Variants in NRXN3 observed in about 807,000 individuals in gnomAD.
NRXN3 encodes neurexin III.
In NRXN3, 32 loss-of-function variants were observed where a neutral mutation model predicts 137.6. That is an observed-to-expected ratio of 0.23 (90% CI 0.18 to 0.31). The LOEUF is 0.31. NRXN3 is among the 10% of genes least tolerant of loss of function. The probability of loss-of-function intolerance (pLI) is 1.00; values close to 1 mark genes in which losing one functional copy is unlikely to be tolerated. For missense variants in NRXN3, 1,574 were observed against 2,062.5 expected (o/e 0.76, Z 4.59); for synonymous variants, 798 against 784.5 (o/e 1.02, Z -0.29).
intron 4 of NRXN3, among the ~76,000 whole-genome samples, chr14:78,343,004 C>T (rs1228987285): frequency 6.6e-6 from 1 of 152,128 alleles, no homozygotes; most frequent in African/African-American, 2.4e-5. Flanking sequence ...TTCAGTCGTT[C>T]TCAAAGTTTG....
At chr14:79,540,104 T>A (rs575562610) in intron 16 of NRXN3, among the ~76,000 whole-genome samples, 1 of 152,094 alleles carries the variant, frequency 6.6e-6, no homozygotes, top group East Asian at 1.9e-4. Flanking sequence ...TCTGGCAATA[T>A]TTTATGCTCA....
At chr14:78,436,385 A>G (rs540633234) in intron 4 of NRXN3, among the ~76,000 whole-genome samples, 34 of 152,362 alleles carry the variant, frequency 2.2e-4, no homozygotes, top group African/African-American at 7.7e-4. Flanking sequence ...TATATTCCTC[A>G]GTGCAACCAC....
chr14:78,238,253 A>G (rs10483896), intron 1 of NRXN3, among the ~76,000 whole-genome samples: 137,089 of 152,124 alleles, frequency 0.9, 62,019 homozygotes, highest in African/African-American at 0.97. Context: ...AAATTAGCTG[A>G]CAATTAGATA....
intron 4 of NRXN3, among the ~76,000 whole-genome samples, chr14:78,446,634 T>A (rs762539847): frequency 6.6e-6 from 1 of 152,202 alleles, no homozygotes; most frequent in Non-Finnish European, 1.5e-5. Context: ...TATTCTGCAA[T>A]GTAAAAGGAG....
At chr14:79,023,062 G>C (rs546970640) in intron 15 of NRXN3, among the ~76,000 whole-genome samples, 2 of 151,304 alleles carry the variant, frequency 1.3e-5, no homozygotes, top group East Asian at 3.9e-4. Context: ...AGGGCAGCGG[G>C]TGGCTTTGAG....
chr14:79,832,382 G>A lies in NRXN3; in HGVS notation c.4093+27192G>A, dbSNP rs115830231. Among the ~76,000 whole-genome samples the A allele has an allele frequency of 4.4e-3, 670 of 152,236 alleles. 8 individuals are homozygous for A. The highest frequency in any genetic ancestry group is 0.015 in the African/African-American group (635 of 41,556). ...GAACTAAACACTAGAGACAAGAGTC[G>A]AGCCCTGGCTCAATAGAGCCAGTAA... On this transcript the variant is annotated intron_variant, in intron 20 of 20. Transcript: ENST00000335750.
intron 15 of NRXN3, among the ~76,000 whole-genome samples, chr14:79,262,245 C>A (rs905835238): frequency 1.3e-5 from 2 of 152,042 alleles, no homozygotes; most frequent in Non-Finnish European, 2.9e-5. Context: ...TCTTCCCATG[C>A]AAGTGAACCC....
rs184042388 is a variant in NRXN3, at chr14:79,174,525, A to C, written c.3262+186384A>C. 1.1e-3 allele frequency among the ~76,000 whole-genome samples: 161 copies of C among 149,652 alleles called. 1 individual carries two copies. The highest frequency in any genetic ancestry group is 3.8e-3 in the African/African-American group (157 of 41,284). Reference sequence around the variant, plus strand: ...TTTATATATATATATATATACACACACATATATATGCTTTGATCAGAAATC... The same window carrying C: ...TTTATATATATATATATATACACACCCATATATATGCTTTGATCAGAAATC... On this transcript the variant is annotated intron_variant, in intron 15 of 20. Transcript: ENST00000335750.
intron 10 of NRXN3, among the ~76,000 whole-genome samples, chr14:78,932,328 G>T (rs2099324495): frequency 6.6e-6 from 1 of 152,028 alleles, no homozygotes; most frequent in Non-Finnish European, 1.5e-5. Context: ...ATTTTTCTCT[G>T]TCAGGTGCCA....
intron 10 of NRXN3, among the ~76,000 whole-genome samples, chr14:78,954,214 C>T (rs916415120): frequency 1.3e-5 from 2 of 152,284 alleles, no homozygotes; most frequent in East Asian, 1.9e-4. Context: ...CACTTTTCCT[C>T]TGTAGAATGA....
intron 16 of NRXN3, among the ~76,000 whole-genome samples, chr14:79,605,957 AATC>A (rs2098008306): frequency 6.6e-6 from 1 of 152,188 alleles, no homozygotes; most frequent in South Asian, 2.1e-4. Flanking sequence ...CTTGTGGGTT[AATC>A]ATGCCAGGCT....
intron 14 of NRXN3, among the ~76,000 whole-genome samples, chr14:78,969,907 G>T (rs1175108940): frequency 1.3e-5 from 2 of 150,924 alleles, no homozygotes; most frequent in East Asian, 3.9e-4. Flanking sequence ...CAGCCACTTT[G>T]CTCCTAGAAA....
At chr14:78,870,394 A>G (rs549105622) in intron 10 of NRXN3, among the ~76,000 whole-genome samples, 2 of 152,298 alleles carry the variant, frequency 1.3e-5, no homozygotes, top group African/African-American at 4.8e-5. Context: ...TTTAATTATT[A>G]TGAATACATT....
intron 10 of NRXN3, among the ~76,000 whole-genome samples, chr14:78,858,870 A>G (rs954032749): frequency 4.6e-5 from 7 of 152,146 alleles, no homozygotes; most frequent in African/African-American, 1.7e-4. Context: ...TGGGATTTCA[A>G]GTATTCAGTG....
At chr14:78,855,871 ATTATC>A (rs1364056742) in intron 10 of NRXN3, among the ~76,000 whole-genome samples, 1 of 152,176 alleles carries the variant, frequency 6.6e-6, no homozygotes, top group East Asian at 1.9e-4. Flanking sequence ...CATCTGTAAT[ATTATC>A]TTATAGAATA....
intron 15 of NRXN3, among the ~76,000 whole-genome samples, chr14:79,170,027 C>T (rs141703644): frequency 1.9e-3 from 284 of 152,186 alleles, no homozygotes; most frequent in African/African-American, 6.6e-3. Flanking sequence ...ATTGTAAGTT[C>T]TCCGAGAATA....
intron 4 of NRXN3, among the ~76,000 whole-genome samples, chr14:78,452,454 AC>A (rs2094573553): frequency 6.6e-6 from 1 of 152,192 alleles, no homozygotes; most frequent in Non-Finnish European, 1.5e-5. Context: ...TCCCAGTGAC[AC>A]CCAGATGGTG....
chr14:79,000,261 T>C (rs1161934414), intron 15 of NRXN3, among the ~76,000 whole-genome samples: 1 of 151,806 alleles, frequency 6.6e-6, no homozygotes, highest in Non-Finnish European at 1.5e-5. Flanking sequence ...TGTATGTGCA[T>C]ACATATGTAA....
chr14:78,396,112 T>C (rs1366273580), intron 4 of NRXN3, among the ~76,000 whole-genome samples: 1 of 152,050 alleles, frequency 6.6e-6, no homozygotes, highest in African/African-American at 2.4e-5. Flanking sequence ...TTGATTTATC[T>C]ATGGTATTTT....
Sources: allele counts gnomAD v4.1 joint callset (sites outside exome capture counted in the v4.1 genomes callset), GRCh38; gene constraint gnomAD v4.1.1; transcripts MANE v1.5; gene names NCBI Gene and HGNC (gene_info 2026-07-23, HGNC 2026-07-21).